The following EDEM3 variants were observed in gnomAD, a reference collection of about 807,000 sequenced individuals.
The protein encoded by EDEM3 is ER degradation-enhancing alpha-mannosidase-like protein 3.
EDEM3 carries 60 observed loss-of-function variants against 110.2 expected under a neutral mutation model. The observed-to-expected ratio is 0.54, with a 90% CI of 0.44 to 0.67. EDEM3 has a LOEUF of 0.67. Ranked by LOEUF, EDEM3 falls within the 30% of genes least tolerant of loss-of-function variation. The pLI, the probability that EDEM3 is intolerant of heterozygous loss-of-function variation, is 0.00. For synonymous variants in EDEM3, 352 were observed against 382.9 expected (o/e 0.92, Z 0.94); for missense variants, 996 against 1,121.0 (o/e 0.89, Z 1.59).
intron 13 of EDEM3, among the ~76,000 whole-genome samples, chr1:184,714,074 C>G (rs943528844): frequency 6.6e-6 from 1 of 152,180 alleles, no homozygotes; most frequent in Non-Finnish European, 1.5e-5. Flanking sequence ...ATAATTCAAC[C>G]TTTTCTGATG....
At chr1:184,701,606 A>C in intron 19 of EDEM3, 1 of 1,145,420 alleles carries the variant, frequency 8.7e-7, no homozygotes, top group Non-Finnish European at 1.1e-6. Flanking sequence ...AAGAGTTACA[A>C]GAAATAATAA....
At position 184,717,033 on chromosome 1, in the gene EDEM3, T is replaced by A. The variant is rs746077614; in HGVS notation, c.1246-21A>T. 16 of 1,566,584 alleles carry A rather than the reference T, an allele frequency of 1.0e-5. No homozygotes were observed. In the African/African-American group the frequency reaches 1.8e-4, roughly 17 times the overall value. On this transcript the variant is annotated intron_variant, in intron 12 of 19. Coordinates refer to ENST00000318130, the MANE Select transcript of EDEM3 (RefSeq NM_025191.4). ...GTAGCCTATTAAAAAGGAGAATATA[T>A]GTATAATATATATAGCTTATATATT...
intron 17 of EDEM3, among the ~76,000 whole-genome samples, chr1:184,707,644 A>G (rs1293353318): frequency 6.6e-6 from 1 of 152,176 alleles, no homozygotes; most frequent in Non-Finnish European, 1.5e-5. Flanking sequence ...AACTTTGTGA[A>G]TTGCTTAGTT....
intron 11 of EDEM3, among the ~76,000 whole-genome samples, chr1:184,717,969 C>G (rs866099361): frequency 2.1e-4 from 32 of 151,906 alleles, no homozygotes; most frequent in Middle Eastern, 6.8e-3. Flanking sequence ...GATTATTACT[C>G]TCCTAGTTCT....
chr1:184,732,405 C>T (rs1281152357), intron 6 of EDEM3, among the ~76,000 whole-genome samples: 1 of 152,020 alleles, frequency 6.6e-6, no homozygotes, highest in Non-Finnish European at 1.5e-5. Flanking sequence ...TATTTAATAG[C>T]ACAACAGAGC....
intron 16 of EDEM3, 117 bp from the exon 17 acceptor site, chr1:184,708,461 G>A (rs1650053912): frequency 1.0e-6 from 1 of 982,492 alleles, no homozygotes. Flanking sequence ...TTTCACTTTA[G>A]GTCACCACCA....
At chr1:184,730,661 G>A (rs1268414534) in intron 6 of EDEM3, among the ~76,000 whole-genome samples, 1 of 152,106 alleles carries the variant, frequency 6.6e-6, no homozygotes, top group Non-Finnish European at 1.5e-5. Flanking sequence ...AACAAGAAGA[G>A]ATTTCATTCT....
intron 2 of EDEM3, among the ~76,000 whole-genome samples, chr1:184,741,291 C>T (rs764139905): frequency 1.3e-5 from 2 of 151,956 alleles, no homozygotes; most frequent in South Asian, 2.1e-4. Flanking sequence ...CCCAGCTACT[C>T]GGGAGGCTGA....
chr1:184,711,033 A>G (rs1055200529), intron 15 of EDEM3, among the ~76,000 whole-genome samples: 1 of 152,208 alleles, frequency 6.6e-6, no homozygotes, highest in African/African-American at 2.4e-5. Flanking sequence ...TACTCCCTCA[A>G]AAAATCAAAT....
chr1:184,717,091 T>C, intron 12 of EDEM3, 79 bp from the exon 13 acceptor site: 9 of 1,229,952 alleles, frequency 7.3e-6, no homozygotes, highest in Non-Finnish European at 9.0e-6. Flanking sequence ...AAATATTTAT[T>C]GAGTACCTAC....
chr1:184,745,219 A>T, intron 2 of EDEM3, among the ~76,000 whole-genome samples: 1 of 152,110 alleles, frequency 6.6e-6, no homozygotes, highest in East Asian at 1.9e-4. Flanking sequence ...TTTTGAGAGG[A>T]TACTATAGAA....
At chr1:184,734,880 G>T (rs1651736500) in intron 4 of EDEM3, among the ~76,000 whole-genome samples, 1 of 152,154 alleles carries the variant, frequency 6.6e-6, no homozygotes, top group Non-Finnish European at 1.5e-5. Context: ...TGAGGACTTT[G>T]AAGCTACCAT....
intron 18 of EDEM3, 127 bp downstream of exon 18, chr1:184,706,516 C>T (rs2102066644): frequency 4.1e-6 from 3 of 726,986 alleles, no homozygotes; most frequent in Non-Finnish European, 6.3e-6. Flanking sequence ...ATTACCTATC[C>T]TTGTTGTCTA....
chr1:184,693,828 C>T lies in EDEM3; in HGVS notation c.*235G>A, dbSNP rs1649188482. 2 of 470,882 alleles carry T rather than the reference C, an allele frequency of 4.2e-6. No homozygotes were observed. The highest frequency in any genetic ancestry group is 7.6e-6 in the Non-Finnish European group (2 of 263,196). 29.2% of individuals were successfully genotyped at this position (470,882 alleles called of 1,614,324 possible). A position where few individuals can be genotyped will look rare whatever the true frequency, so the allele number is the denominator to read the frequency against. On this transcript the variant is annotated 3_prime_UTR_variant, in exon 20 of 20. Coordinates refer to ENST00000318130, the MANE Select transcript of EDEM3 (RefSeq NM_025191.4). ...TGAGGTGTTGCAGGGTGGTGCAGTG[C>T]TGCATTTGAAGGGGGAACTGTGGAT...
At chr1:184,745,376 C>T (rs1652373591) in intron 2 of EDEM3, among the ~76,000 whole-genome samples, 1 of 151,942 alleles carries the variant, frequency 6.6e-6, no homozygotes, top group Admixed American at 6.6e-5. Flanking sequence ...AGTACCATGC[C>T]TAAAATACTT....
intron 2 of EDEM3, among the ~76,000 whole-genome samples, chr1:184,738,242 G>A (rs944972437): frequency 6.6e-6 from 1 of 152,012 alleles, no homozygotes; most frequent in Non-Finnish European, 1.5e-5. Context: ...ATATATTTTA[G>A]TTAATTGTCA....
intron 9 of EDEM3, chr1:184,720,422 A>C (rs972172173): frequency 6.6e-6 from 1 of 152,116 alleles, no homozygotes; most frequent in African/African-American, 2.4e-5. Flanking sequence ...TAGATGAGAA[A>C]CAGAGGCAAA....
At chr1:184,701,375 T>A (rs941855765) in intron 19 of EDEM3, 4 of 369,646 alleles carry the variant, frequency 1.1e-5, no homozygotes, top group African/African-American at 8.8e-5. Context: ...CTAATTACGT[T>A]ACACAAGATA....
rs1158665042 is a variant in EDEM3 at position 184,694,260 on chromosome 1, T to C, written c.2602A>G (p.Thr868Ala). The C allele has an allele frequency of 2.5e-5, 40 of 1,613,232 alleles. No individual in the cohort carries two copies. In the East Asian group the frequency reaches 8.9e-4, roughly 36 times the overall value. The change falls in exon 20 of 20, where the codon ACA becomes GCA. Residue 868 changes from threonine to alanine, a missense_variant. Thr to Ala is a moderately conservative substitution (Grantham distance 58). Coordinates refer to ENST00000318130, the MANE Select transcript of EDEM3 (RefSeq NM_025191.4). ...AGATTTGTAGTCTCATGGTTTTCTGTGGGATTAGAAGTCTGTTCAGAAGGG... is the reference window on the plus strand; with the variant it reads ...AGATTTGTAGTCTCATGGTTTTCTGCGGGATTAGAAGTCTGTTCAGAAGGG... ...ISPSEQTSNPTENHETTNLNG... is the reference protein window; with the variant it reads ...ISPSEQTSNPAENHETTNLNG...
Sources: allele counts gnomAD v4.1 joint callset (sites outside exome capture counted in the v4.1 genomes callset), GRCh38; gene constraint gnomAD v4.1.1; transcripts MANE v1.5; gene names NCBI Gene and HGNC (gene_info 2026-07-23, HGNC 2026-07-21).